Variants in SGCZ observed in about 807,000 individuals in gnomAD.
SGCZ encodes zeta-sarcoglycan.
Under a neutral mutation model 41.3 loss-of-function variants are expected in SGCZ, and 40 were observed. That is an observed-to-expected ratio of 0.97 (90% CI 0.75 to 1.26). The LOEUF (loss-of-function observed/expected upper bound fraction) is 1.26, where lower values mean the gene tolerates loss of function less well. Ranked by LOEUF, SGCZ falls within the 50% of genes most tolerant of loss-of-function variation. The pLI is 0.00. For synonymous variants in SGCZ, 206 were observed against 137.5 expected (o/e 1.50, Z -3.49); for missense variants, 552 against 369.8 (o/e 1.49, Z -4.04).
intron 1 of SGCZ, among the ~76,000 whole-genome samples, chr8:14,863,333 A>C (rs1282331531): frequency 6.6e-6 from 1 of 152,012 alleles, no homozygotes; most frequent in African/African-American, 2.4e-5. Flanking sequence ...TATTATTATT[A>C]CTATTTTTAG....
At chr8:14,331,626 T>C (rs928185686) in intron 2 of SGCZ, among the ~76,000 whole-genome samples, 1 of 152,142 alleles carries the variant, frequency 6.6e-6, no homozygotes, top group Non-Finnish European at 1.5e-5. Flanking sequence ...AACATTTTTA[T>C]AGATTGCTGT....
At chr8:14,603,002 A>G (rs1805641642) in intron 1 of SGCZ, among the ~76,000 whole-genome samples, 1 of 152,176 alleles carries the variant, frequency 6.6e-6, no homozygotes, top group African/African-American at 2.4e-5. Flanking sequence ...AAAAAAAGCC[A>G]TGCTTAATCT....
At chr8:14,240,340 AAAAAAAAAAAAAAAAG>A (rs1434716591) in intron 3 of SGCZ, among the ~76,000 whole-genome samples, 2 of 149,840 alleles carry the variant, frequency 1.3e-5, no homozygotes, top group Admixed American at 1.3e-4. Flanking sequence ...AAAAAAAAAA[AAAAAAAAAAAAAAAAG>A]AACTGAAAGT....
At chr8:14,297,997 T>TA (rs1801069836) in intron 3 of SGCZ, among the ~76,000 whole-genome samples, 1 of 151,908 alleles carries the variant, frequency 6.6e-6, no homozygotes, top group South Asian at 2.1e-4. Context: ...TAGCAATAAA[T>TA]AAGAAGTTAT....
At chr8:14,752,534 A>G (rs539884844) in intron 1 of SGCZ, among the ~76,000 whole-genome samples, 5 of 152,278 alleles carry the variant, frequency 3.3e-5, no homozygotes, top group East Asian at 1.9e-4. Flanking sequence ...ATCTAGCCCA[A>G]TTGGTCTATA....
At chr8:14,211,882 G>C (rs1805819957) in intron 4 of SGCZ, among the ~76,000 whole-genome samples, 1 of 152,066 alleles carries the variant, frequency 6.6e-6, no homozygotes, top group Admixed American at 6.5e-5. Flanking sequence ...TGTCCAGAAA[G>C]TACCACAGAA....
intron 1 of SGCZ, among the ~76,000 whole-genome samples, chr8:14,826,532 T>G (rs1802326048): frequency 6.6e-6 from 1 of 152,178 alleles, no homozygotes; most frequent in Admixed American, 6.5e-5. Context: ...ATGGTTGAAC[T>G]AGTTTACAGT....
At chr8:15,059,981 G>C (rs892782150) in intron 1 of SGCZ, among the ~76,000 whole-genome samples, 4 of 152,140 alleles carry the variant, frequency 2.6e-5, no homozygotes, top group Non-Finnish European at 5.9e-5. Flanking sequence ...TACAGGAAAT[G>C]ACAAGCATTC....
At chr8:15,141,713 C>T (rs143785819) in intron 1 of SGCZ, among the ~76,000 whole-genome samples, 1,832 of 152,230 alleles carry the variant, frequency 0.012, 19 homozygotes, top group Middle Eastern at 0.031. Flanking sequence ...AGCATCCTGG[C>T]TAACACGGTG....
At chr8:14,284,843 C>T (rs1800569613) in intron 3 of SGCZ, among the ~76,000 whole-genome samples, 1 of 152,110 alleles carries the variant, frequency 6.6e-6, no homozygotes. Context: ...AAGATCATGT[C>T]TGTTTAATGC....
intron 2 of SGCZ, among the ~76,000 whole-genome samples, chr8:14,514,685 A>C (rs1802560944): frequency 1.3e-5 from 2 of 149,214 alleles, no homozygotes; most frequent in African/African-American, 4.9e-5. Context: ...ATATATACGT[A>C]TATATTTACA....
chr8:15,168,945 A>G (rs1442084343), intron 1 of SGCZ, among the ~76,000 whole-genome samples: 2 of 152,214 alleles, frequency 1.3e-5, no homozygotes, highest in Non-Finnish European at 2.9e-5. Context: ...TCAGGCTTTT[A>G]GCCTCCCACT....
chr8:14,102,940 G>A (rs12546928), intron 6 of SGCZ, among the ~76,000 whole-genome samples: 33,100 of 152,048 alleles, frequency 0.22, 3,804 homozygotes, highest in Middle Eastern at 0.28. Context: ...TCAATAAAGA[G>A]TCCCTGTCTT....
At chr8:14,380,421 T>C (rs1804316283) in intron 2 of SGCZ, among the ~76,000 whole-genome samples, 2 of 152,138 alleles carry the variant, frequency 1.3e-5, no homozygotes, top group African/African-American at 4.8e-5. Context: ...TGATATGCAA[T>C]ATGATGAAAG....
chr8:14,429,068 C>T (rs1277130170), intron 2 of SGCZ, among the ~76,000 whole-genome samples: 1 of 152,184 alleles, frequency 6.6e-6, no homozygotes, highest in African/African-American at 2.4e-5. Flanking sequence ...ACAAACTTGG[C>T]ACTGAAGAAA....
At chr8:14,152,121 A>T (rs1185986165) in intron 5 of SGCZ, among the ~76,000 whole-genome samples, 1 of 152,144 alleles carries the variant, frequency 6.6e-6, no homozygotes, top group Non-Finnish European at 1.5e-5. Flanking sequence ...GAAAGACTTG[A>T]CTAATAGAAT....
intron 4 of SGCZ, among the ~76,000 whole-genome samples, chr8:14,166,645 G>A (rs1199563019): frequency 6.6e-6 from 1 of 152,034 alleles, no homozygotes; most frequent in African/African-American, 2.4e-5. Flanking sequence ...TAATGGCATA[G>A]ATGTACATTA....
chr8:14,450,065 A>C (rs1317090933), intron 2 of SGCZ, among the ~76,000 whole-genome samples: 1 of 152,220 alleles, frequency 6.6e-6, no homozygotes, highest in African/African-American at 2.4e-5. Flanking sequence ...ATGAAAACAA[A>C]ACTACATATT....
At chr8:14,866,296 C>G (rs1172926884) in intron 1 of SGCZ, among the ~76,000 whole-genome samples, 1 of 151,768 alleles carries the variant, frequency 6.6e-6, no homozygotes, top group Non-Finnish European at 1.5e-5. Flanking sequence ...AATAAACCTT[C>G]TCTCGGGGCC....
Sources: gnomAD v4.1 joint callset for allele counts (sites outside exome capture counted in the v4.1 genomes callset) on GRCh38, gnomAD v4.1.1 for gene constraint, MANE v1.5 for transcripts, NCBI Gene and HGNC (gene_info 2026-07-23, HGNC 2026-07-21) for gene names.